Variants in CTNNA2 observed in about 807,000 individuals in gnomAD.
The protein encoded by CTNNA2 is catenin alpha 2, also known as catenin alpha-2.
CTNNA2 carries 42 observed loss-of-function variants against 101.0 expected under a neutral mutation model. The observed-to-expected ratio is 0.42, with a 90% confidence interval of 0.32 to 0.54. The LOEUF (loss-of-function observed/expected upper bound fraction) is 0.54, where lower values mean the gene tolerates loss of function less well. Ranked by LOEUF, CTNNA2 falls within the 20% of genes least tolerant of loss-of-function variation. The probability of loss-of-function intolerance (pLI) is 0.14; values close to 1 mark genes in which losing one functional copy is unlikely to be tolerated. For missense variants in CTNNA2, 871 were observed against 1,223.1 expected (o/e 0.71, Z 4.29); for synonymous variants, 450 against 456.4 (o/e 0.99, Z 0.18).
At chr2:80,539,369 AATGTT>A (rs1691338842) in intron 9 of CTNNA2, among the ~76,000 whole-genome samples, 1 of 146,668 alleles carries the variant, frequency 6.8e-6, no homozygotes, top group African/African-American at 2.5e-5. Flanking sequence ...TGATATTGTT[AATGTT>A]AAGTATTCAT....
At chr2:80,459,714 T>C (rs889670759) in intron 9 of CTNNA2, among the ~76,000 whole-genome samples, 6 of 152,176 alleles carry the variant, frequency 3.9e-5, no homozygotes, top group Admixed American at 6.5e-5. Context: ...CCTCCTGCTA[T>C]TCTGTACTTC....
At chr2:79,216,636 A>T (rs933998956) in intron 2 of CTNNA2, among the ~76,000 whole-genome samples, 1 of 150,978 alleles carries the variant, frequency 6.6e-6, no homozygotes, top group African/African-American at 2.4e-5. Flanking sequence ...ACATGCAGAG[A>T]AGGGGTTGGG....
At chr2:80,593,978 T>C (rs1350594425) in intron 15 of CTNNA2, among the ~76,000 whole-genome samples, 1 of 152,176 alleles carries the variant, frequency 6.6e-6, no homozygotes, top group Admixed American at 6.5e-5. Context: ...TTCATTTCTT[T>C]TAAGTGTATA....
intron 2 of CTNNA2, among the ~76,000 whole-genome samples, chr2:79,203,910 C>A (rs1572977159): frequency 6.6e-6 from 1 of 152,146 alleles, no homozygotes; most frequent in South Asian, 2.1e-4. Context: ...TGTTGCTTCC[C>A]ATGGTCACCT....
At chr2:80,575,342 G>T (rs1317169524) in intron 13 of CTNNA2, 1 of 152,102 alleles carries the variant, frequency 6.6e-6, no homozygotes, top group Non-Finnish European at 1.5e-5. Context: ...TTAACCAAAT[G>T]TATCCAAAAT....
At chr2:80,235,738 AC>A (rs547706526) in intron 7 of CTNNA2, among the ~76,000 whole-genome samples, 148 of 152,218 alleles carry the variant, frequency 9.7e-4, no homozygotes, top group African/African-American at 3.3e-3. Flanking sequence ...TCTCTTGATC[AC>A]CCCACTTACC....
intron 1 of CTNNA2, among the ~76,000 whole-genome samples, chr2:79,519,202 T>G (rs1413744445): frequency 1.3e-5 from 2 of 148,820 alleles, no homozygotes; most frequent in Non-Finnish European, 3.0e-5. Flanking sequence ...GCACTTCAGC[T>G]TGGGCGACAG....
intron 1 of CTNNA2, among the ~76,000 whole-genome samples, chr2:79,538,047 C>G (rs1479549817): frequency 6.6e-6 from 1 of 152,070 alleles, no homozygotes; most frequent in African/African-American, 2.4e-5. Context: ...ATTTAAACTC[C>G]ATTCACTCAA....
chr2:80,551,270 G>A (rs1253853423), intron 11 of CTNNA2, among the ~76,000 whole-genome samples: 1 of 152,134 alleles, frequency 6.6e-6, no homozygotes, highest in Non-Finnish European at 1.5e-5. Context: ...CATTTATAGA[G>A]CACAGGCAGA....
At chr2:80,058,513 A>T (rs1048943449) in intron 7 of CTNNA2, among the ~76,000 whole-genome samples, 3 of 152,180 alleles carry the variant, frequency 2.0e-5, no homozygotes, top group Non-Finnish European at 4.4e-5. Flanking sequence ...AGAAACTTTT[A>T]AAATGATTTT....
At chr2:79,717,035 T>C (rs780951755) in intron 2 of CTNNA2, among the ~76,000 whole-genome samples, 6 of 152,166 alleles carry the variant, frequency 3.9e-5, no homozygotes, top group Non-Finnish European at 8.8e-5. Flanking sequence ...AGTATATACA[T>C]AGGACATAGC....
upstream of CTNNA2, among the ~76,000 whole-genome samples, chr2:79,510,935 A>G (rs1217489042): frequency 6.6e-6 from 1 of 152,204 alleles, no homozygotes; most frequent in Non-Finnish European, 1.5e-5. Context: ...TTTAATTGCA[A>G]TTAAAACAAA....
chr2:80,246,545 T>C (rs981415942), intron 7 of CTNNA2, among the ~76,000 whole-genome samples: 1 of 152,212 alleles, frequency 6.6e-6, no homozygotes, highest in Admixed American at 6.5e-5. Flanking sequence ...AGGCCAAGTA[T>C]GGACCTGTTC....
intron 3 of CTNNA2, among the ~76,000 whole-genome samples, chr2:79,840,126 A>G (rs1291045650): frequency 2.0e-5 from 3 of 152,266 alleles, no homozygotes; most frequent in Non-Finnish European, 4.4e-5. Context: ...AGTTATCATT[A>G]TCAATTATGA....
rs11674875 is a variant in CTNNA2, at chr2:79,756,647, G to T, written c.298+12065G>T. On this transcript the variant is annotated intron_variant, in intron 3 of 18. Transcript: ENST00000402739. The stretch of plus-strand genomic sequence containing the variant: ...AGAGAATATAAACAAGCCATAAACT[G>T]CAAGAAAAAACTGGTAAATTACATA... Among the ~76,000 whole-genome samples the T allele has an allele frequency of 6.4e-3, 971 of 152,134 alleles. 2 individuals carry two copies. Among genetic ancestry groups the T allele is most frequent in the Admixed American group, 0.012 (188 of 15,280 alleles).
Position 80,328,342 on chromosome 2 carries a change from T to G in CTNNA2, c.1057-64869T>G, listed in dbSNP as rs751751607. 67 of 470,950 alleles carry G rather than the reference T, an allele frequency of 1.4e-4. 2 individuals are homozygous for G. Among genetic ancestry groups the G allele is most frequent in the South Asian group, 9.6e-4 (62 of 64,570 alleles). The allele number at this position is 470,950 out of a possible 1,614,324, so 29.2% of individuals were successfully genotyped here. On this transcript the variant is annotated intron_variant, in intron 7 of 18. Coordinates refer to ENST00000402739, the MANE Select transcript of CTNNA2 (RefSeq NM_001282597.3). ...AACCTTTCATGTGGTGACTTCAAGT[T>G]GTGTGAGGTAAAAAGGCATGTTTGT...
At chr2:79,339,554 A>C (rs545119540) in intron 3 of CTNNA2, 2 of 152,210 alleles carry the variant, frequency 1.3e-5, no homozygotes, top group Non-Finnish European at 2.9e-5. Flanking sequence ...TTACAATGTA[A>C]GTTATCATAC....
At chr2:80,538,362 T>C (rs1466782859) in intron 9 of CTNNA2, among the ~76,000 whole-genome samples, 1 of 152,162 alleles carries the variant, frequency 6.6e-6, no homozygotes, top group Non-Finnish European at 1.5e-5. Context: ...TTTTGGGTTT[T>C]ACATTTAAGT....
intron 7 of CTNNA2, among the ~76,000 whole-genome samples, chr2:80,263,715 G>A (rs556272273): frequency 5.9e-5 from 9 of 152,266 alleles, no homozygotes; most frequent in South Asian, 2.1e-4. Flanking sequence ...TGTTCCTAAC[G>A]GCTACCATAT....
Sources: gnomAD v4.1 joint callset for allele counts (sites outside exome capture counted in the v4.1 genomes callset) on GRCh38, gnomAD v4.1.1 for gene constraint, MANE v1.5 for transcripts, NCBI Gene and HGNC (gene_info 2026-07-23, HGNC 2026-07-21) for gene names.